Variants in CCDC28A observed in about 807,000 individuals in gnomAD.
CCDC28A encodes the protein coiled-coil domain containing 28A, also known as coiled-coil domain-containing protein 28A.
CCDC28A carries 24 observed loss-of-function variants against 22.1 expected under a neutral mutation model. That is an observed-to-expected ratio of 1.09 (90% confidence interval 0.79 to 1.53). CCDC28A has a LOEUF of 1.53. CCDC28A is among the 40% of genes most tolerant of loss of function. CCDC28A has a pLI of 0.00. For synonymous variants in CCDC28A, 83 were observed against 74.7 expected (o/e 1.11, Z -0.57); for missense variants, 170 against 210.7 (o/e 0.81, Z 1.20).
chr6:138,774,515 G>T (rs907085046), intron 1 of CCDC28A, among the ~76,000 whole-genome samples: 8 of 152,210 alleles, frequency 5.3e-5, no homozygotes, highest in African/African-American at 1.9e-4. Flanking sequence ...GTTAGCCAAG[G>T]TTTAAGTGGA....
At chr6:138,776,007 A>C in intron 1 of CCDC28A, 72 bp from the exon 2 acceptor site, 1 of 1,280,926 alleles carries the variant, frequency 7.8e-7, no homozygotes, top group South Asian at 1.2e-5. Context: ...GACCCTGTGA[A>C]ATGGGTCTTT....
rs748398266 is a variant in CCDC28A at position 138,773,802 on chromosome 6, G to C, written c.-143G>C. 6.2e-7 allele frequency: 1 copy of C among 1,613,984 alleles called. No individual in the cohort carries two copies. The highest frequency in any genetic ancestry group is 8.5e-7 in the Non-Finnish European group (1 of 1,179,944). ...ACGGAGCTGCGGAGGAGCGGGTCCCGGGATGTGACCGGGGCTCTGCTTGTG... is the reference window on the plus strand; with the variant it reads ...ACGGAGCTGCGGAGGAGCGGGTCCCCGGATGTGACCGGGGCTCTGCTTGTG... On this transcript the variant is annotated 5_prime_UTR_variant, in exon 1 of 6. Transcript: ENST00000617445.
intron 4 of CCDC28A, among the ~76,000 whole-genome samples, chr6:138,785,810 A>G (rs1775086644): frequency 6.6e-6 from 1 of 152,218 alleles, no homozygotes; most frequent in South Asian, 2.1e-4. Flanking sequence ...ATCTGAAAGC[A>G]AAATATTTGC....
intron 5 of CCDC28A, 68 bp from the exon 6 acceptor site, chr6:138,792,681 T>C (rs1267107260): frequency 2.1e-6 from 2 of 973,298 alleles, no homozygotes; most frequent in African/African-American, 1.6e-5. Context: ...TGCTCCTGAA[T>C]GTAATTTTCA....
chr6:138,782,753 A>G (rs1775038756), intron 3 of CCDC28A, among the ~76,000 whole-genome samples: 1 of 152,208 alleles, frequency 6.6e-6, no homozygotes, highest in South Asian at 2.1e-4. Context: ...GACGATTTTG[A>G]GAGAGCCATA....
Position 138,779,987 on chromosome 6 carries a change from T to A in CCDC28A, c.322+2T>A, listed in dbSNP as rs757975197. ...ACTCTGGAAAACTTCAAGCATTTGGTAAGCAATAGATGTTTCTGTATTATT... is the reference window on the plus strand; with the variant it reads ...ACTCTGGAAAACTTCAAGCATTTGGAAAGCAATAGATGTTTCTGTATTATT... On this transcript the variant is annotated splice_donor_variant, in intron 3 of 5. Transcript: ENST00000617445. LOFTEE classifies it high-confidence loss of function. The A allele has an allele frequency of 6.2e-7, 1 of 1,607,660 alleles. No individual in the cohort carries two copies. The highest frequency in any genetic ancestry group is 1.3e-5 in the African/African-American group (1 of 74,724).
intron 5 of CCDC28A, among the ~76,000 whole-genome samples, chr6:138,789,136 G>C (rs1343394141): frequency 6.6e-6 from 1 of 152,132 alleles, no homozygotes; most frequent in Non-Finnish European, 1.5e-5. Flanking sequence ...TTCAGGTTTT[G>C]ACATTTCAAT....
At chr6:138,779,716 A>C in intron 2 of CCDC28A, 106 bp from the exon 3 acceptor site, 1 of 823,476 alleles carries the variant, frequency 1.2e-6, no homozygotes, top group Non-Finnish European at 1.8e-6. Context: ...TATTGACTCT[A>C]TTTGATTTCT....
chr6:138,788,322 G>T, intron 4 of CCDC28A, 44 bp from the exon 5 acceptor site: 1 of 704,370 alleles, frequency 1.4e-6, no homozygotes, highest in Non-Finnish European at 2.2e-6. Context: ...TATTTATATT[G>T]ATCTTATAAA....
chr6:138,775,457 C>G (rs968611634), intron 1 of CCDC28A, among the ~76,000 whole-genome samples: 1 of 152,144 alleles, frequency 6.6e-6, no homozygotes, highest in Non-Finnish European at 1.5e-5. Context: ...AAATAGGCAA[C>G]GAACAAGTTT....
chr6:138,781,821 GT>G (rs1775025949), intron 3 of CCDC28A, among the ~76,000 whole-genome samples: 1 of 152,062 alleles, frequency 6.6e-6, no homozygotes, highest in South Asian at 2.1e-4. Context: ...TACCAAATTT[GT>G]TGTGTCTGTG....
At chr6:138,785,418 A>C (rs1583523690) in intron 4 of CCDC28A, 37 bp downstream of exon 4, 1 of 1,543,672 alleles carries the variant, frequency 6.5e-7, no homozygotes, top group Non-Finnish European at 8.8e-7. Flanking sequence ...TTTAAAAAAA[A>C]ATTTTTGTTG....
intron 2 of CCDC28A, among the ~76,000 whole-genome samples, chr6:138,777,553 C>T (rs1774953204): frequency 6.6e-6 from 1 of 152,176 alleles, no homozygotes; most frequent in Non-Finnish European, 1.5e-5. Flanking sequence ...TTTCCATACC[C>T]TCTTGTAGAT....
In CCDC28A at chr6:138,776,596, T is replaced by C. The variant is rs143378010; in HGVS notation, c.158+318T>C. ...GAAAGAAAGTCAGCAGGGTTTTTTG[T>C]TCTCTTTCTTTCTTTCTCTCTTTTT... On this transcript the variant is annotated intron_variant, in intron 2 of 5. Coordinates refer to ENST00000617445, the MANE Select transcript of CCDC28A (RefSeq NM_015439.3). 7.3e-3 allele frequency among the ~76,000 whole-genome samples: 1,108 copies of C among 152,182 alleles called. 10 individuals carry two copies. Among genetic ancestry groups the C allele is most frequent in the African/African-American group, 0.026 (1,070 of 41,544 alleles).
chr6:138,783,598 C>T (rs918479445), intron 3 of CCDC28A, among the ~76,000 whole-genome samples: 12 of 151,896 alleles, frequency 7.9e-5, no homozygotes, highest in African/African-American at 1.7e-4. Context: ...CCACCACGCC[C>T]GGCTAATTTT....
Position 138,793,259 on chromosome 6 carries a change from GAAATT to G in CCDC28A, c.*461_*465del, listed in dbSNP as rs1775201771. ...TGTGTTTTCCAATGGCCAGTGATAA[GAAATT>G]AAATAAGTATTTGTGAGATTTGCTA... On this transcript the variant is annotated 3_prime_UTR_variant, in exon 6 of 6. Coordinates refer to ENST00000617445, the MANE Select transcript of CCDC28A (RefSeq NM_015439.3). 6.5e-6 allele frequency: 1 copy of G among 154,296 alleles called. No homozygotes were observed. The allele number at this position is 154,296 out of a possible 1,614,324, so 9.6% of individuals were successfully genotyped here.
Position 138,793,056 on chromosome 6 carries a change from G to A in CCDC28A, c.*253G>A. On this transcript the variant is annotated 3_prime_UTR_variant, in exon 6 of 6. Coordinates refer to ENST00000617445, the MANE Select transcript of CCDC28A (RefSeq NM_015439.3). ...AGATTGTGCTGCTGTGCTTCATATTGTTGCCTTATGGGATTATACTTGAAA... is the reference window on the plus strand; with the variant it reads ...AGATTGTGCTGCTGTGCTTCATATTATTGCCTTATGGGATTATACTTGAAA... 2.2e-6 allele frequency: 1 copy of A among 452,358 alleles called. No individual in the cohort carries two copies. The highest frequency in any genetic ancestry group is 4.0e-6 in the Non-Finnish European group (1 of 246,976). The allele number at this position is 452,358 out of a possible 1,614,324, so 28.0% of individuals were successfully genotyped here. A position where few individuals can be genotyped will look rare whatever the true frequency, so the allele number is the denominator to read the frequency against.
At chr6:138,779,425 G>T (rs1166002546) in intron 2 of CCDC28A, among the ~76,000 whole-genome samples, 1 of 152,050 alleles carries the variant, frequency 6.6e-6, no homozygotes, top group Non-Finnish European at 1.5e-5. Flanking sequence ...TACAGAGTAG[G>T]GACTCCAAAA....
chr6:138,781,755 GC>G (rs1166631591), intron 3 of CCDC28A, among the ~76,000 whole-genome samples: 1 of 152,118 alleles, frequency 6.6e-6, no homozygotes, highest in Non-Finnish European at 1.5e-5. Context: ...CTTGTAAAGA[GC>G]CCTTTGTGTT....
Sources: allele counts gnomAD v4.1 joint callset (sites outside exome capture counted in the v4.1 genomes callset), GRCh38; gene constraint gnomAD v4.1.1; transcripts MANE v1.5; gene names NCBI Gene and HGNC (gene_info 2026-07-23, HGNC 2026-07-21).